Variants in SCOC observed in about 807,000 individuals in gnomAD.
The protein encoded by SCOC is short coiled coil protein.
A neutral mutation model predicts 9.9 loss-of-function variants in SCOC; 7 were observed. The observed-to-expected ratio is 0.71, with a 90% confidence interval of 0.40 to 1.33. The LOEUF (loss-of-function observed/expected upper bound fraction) is 1.33, where lower values mean the gene tolerates loss of function less well. Among genes scored for constraint, SCOC ranks in the 40% most tolerant of loss-of-function variants. The probability of loss-of-function intolerance (pLI) is 0.01; values close to 1 mark genes in which losing one functional copy is unlikely to be tolerated. For synonymous variants in SCOC, 19 were observed against 28.2 expected (o/e 0.67, Z 1.03); for missense variants, 66 against 89.7 (o/e 0.74, Z 1.07).
At chr4:140,279,741 A>G (rs561019753) in intron 1 of SCOC, among the ~76,000 whole-genome samples, 1 of 152,324 alleles carries the variant, frequency 6.6e-6, no homozygotes, top group South Asian at 2.1e-4. Context: ...TGCTGTAACA[A>G]AGAGACCTAA....
intron 2 of SCOC, 80 bp from the exon 3 acceptor site, chr4:140,379,489 A>T: frequency 9.7e-7 from 1 of 1,034,474 alleles, no homozygotes; most frequent in East Asian, 2.4e-5. Context: ...AATATAAAAC[A>T]TTTTGCAGAT....
chr4:140,357,415 G>A (rs1297592378), intron 2 of SCOC, among the ~76,000 whole-genome samples: 18 of 152,156 alleles, frequency 1.2e-4, no homozygotes, highest in Admixed American at 1.1e-3. Flanking sequence ...AGATAGGGAA[G>A]GGCATTCAAC....
At chr4:140,368,743 T>C (rs1416885408), upstream of SCOC, among the ~76,000 whole-genome samples, 1 of 152,210 alleles carries the variant, frequency 6.6e-6, no homozygotes, top group African/African-American at 2.4e-5. Flanking sequence ...TGGTGAATGA[T>C]GCATTCATCT....
At chr4:140,339,105 T>C (rs1726393047), upstream of SCOC, among the ~76,000 whole-genome samples, 1 of 152,118 alleles carries the variant, frequency 6.6e-6, no homozygotes, top group Non-Finnish European at 1.5e-5. Flanking sequence ...AACAGAGATA[T>C]AGACCAATGG....
intron 1 of SCOC, among the ~76,000 whole-genome samples, chr4:140,300,859 T>C (rs185903082): frequency 1.3e-5 from 2 of 152,342 alleles, no homozygotes; most frequent in Admixed American, 6.5e-5. Context: ...TGTGTGTATA[T>C]GCAAGGCAGC....
chr4:140,303,413 C>T (rs1169957998), intron 1 of SCOC, among the ~76,000 whole-genome samples: 2 of 152,258 alleles, frequency 1.3e-5, no homozygotes, highest in Admixed American at 6.5e-5. Flanking sequence ...GACCTCAGGC[C>T]CTGTGGCCCT....
chr4:140,292,152 C>T (rs1175406137), intron 1 of SCOC, among the ~76,000 whole-genome samples: 4 of 151,698 alleles, frequency 2.6e-5, no homozygotes, highest in Non-Finnish European at 1.5e-5. Flanking sequence ...ACCTTGATCA[C>T]GCATGCTCAA....
rs547953283 is a variant in SCOC at position 140,345,393 on chromosome 4, T to G, written c.70+1685T>G. Among the ~76,000 whole-genome samples, 8 of 152,334 alleles carry G rather than the reference T, an allele frequency of 5.3e-5. No individual in the cohort carries two copies. The South Asian group carries it at 1.7e-3, about 32-fold the overall frequency. On this transcript the variant is annotated intron_variant, in intron 2 of 4. Coordinates refer to the SCOC transcript ENST00000338517. ...TATTAATTTCTGCTGTTTCCATATT[T>G]CAAAATGGTAAATGGAAATTGTTCA... is the stretch of plus-strand genomic sequence containing the variant.
At chr4:140,340,368 T>C (rs1726458334), upstream of SCOC, among the ~76,000 whole-genome samples, 1 of 151,930 alleles carries the variant, frequency 6.6e-6, no homozygotes, top group African/African-American at 2.4e-5. Context: ...AGTTAATGGG[T>C]TCAGCACACC....
chr4:140,267,436 G>A (rs1447310181), intron 1 of SCOC, among the ~76,000 whole-genome samples: 1 of 152,200 alleles, frequency 6.6e-6, no homozygotes, highest in Non-Finnish European at 1.5e-5. Context: ...TACTGGCAGT[G>A]CACATTCTGG....
At position 140,261,525 on chromosome 4, in the gene SCOC, C is replaced by G. The variant is rs570155199; in HGVS notation, c.-19+4115C>G. 2.6e-5 allele frequency among the ~76,000 whole-genome samples: 4 copies of G among 152,336 alleles called. No individual in the cohort carries two copies. The South Asian group carries it at 8.3e-4, about 32-fold the overall frequency. On this transcript the variant is annotated intron_variant, in intron 1 of 4. Transcript: ENST00000394205. ...GTCCCTTTGATTTCCCTGCCACCAA[C>G]AGAAAAGGCTGAGTGCCCTCTGCAT...
At chr4:140,346,987 G>A (rs1726766302) in intron 2 of SCOC, among the ~76,000 whole-genome samples, 1 of 152,090 alleles carries the variant, frequency 6.6e-6, no homozygotes, top group African/African-American at 2.4e-5. Context: ...TTCTGCAATT[G>A]CTGTGATAAA....
rs571567177 is a variant in SCOC at position 140,276,503 on chromosome 4, G to A, written c.-19+19093G>A. 9.3e-4 allele frequency among the ~76,000 whole-genome samples: 142 copies of A among 151,990 alleles called. 1 individual carries two copies. Among genetic ancestry groups the A allele is most frequent in the Non-Finnish European group, 1.1e-3 (73 of 67,966 alleles). On this transcript the variant is annotated intron_variant, in intron 1 of 4. Coordinates refer to the SCOC transcript ENST00000394205. ...GTTTGAGACAGAGTCTCACTCTGTC[G>A]CTTAGGCTGGAGTGCTGTGGCACAA...
chr4:140,347,124 T>C (rs1726771774), intron 2 of SCOC, among the ~76,000 whole-genome samples: 1 of 152,180 alleles, frequency 6.6e-6, no homozygotes, highest in South Asian at 2.1e-4. Flanking sequence ...CCTTTAAGAA[T>C]GAAATAAAAA....
chr4:140,366,755 C>T, intron 2 of SCOC: 1 of 1,525,594 alleles, frequency 6.6e-7, no homozygotes, highest in South Asian at 1.1e-5. Context: ...TCAACCAAAG[C>T]CCTGTTTTGA....
At chr4:140,308,471 A>G (rs1732054206) in intron 1 of SCOC, among the ~76,000 whole-genome samples, 1 of 152,134 alleles carries the variant, frequency 6.6e-6, no homozygotes. Context: ...GACCTCCGTG[A>G]ATGCTCCAAG....
upstream of SCOC, among the ~76,000 whole-genome samples, chr4:140,372,144 TA>T (rs566109970): frequency 6.6e-6 from 1 of 152,340 alleles, no homozygotes; most frequent in South Asian, 2.1e-4. Flanking sequence ...TTAATAGGTA[TA>T]CAGTTTTAGT....
intron 1 of SCOC, among the ~76,000 whole-genome samples, chr4:140,303,855 T>A (rs1259788510): frequency 2.0e-5 from 3 of 152,194 alleles, no homozygotes; most frequent in Non-Finnish European, 4.4e-5. Context: ...ACTTTAGGGA[T>A]ATAGATGATA....
At chr4:140,273,932 C>T (rs1414767221) in intron 1 of SCOC, among the ~76,000 whole-genome samples, 8 of 152,140 alleles carry the variant, frequency 5.3e-5, no homozygotes, top group Non-Finnish European at 7.4e-5. Context: ...AATGATAGCC[C>T]GTCTGATTGG....
Sources: gnomAD v4.1 joint callset for allele counts (sites outside exome capture counted in the v4.1 genomes callset) on GRCh38, gnomAD v4.1.1 for gene constraint, MANE v1.5 for transcripts, NCBI Gene and HGNC (gene_info 2026-07-23, HGNC 2026-07-21) for gene names.